Variants in E2F2 observed in about 807,000 individuals in gnomAD.
E2F2 encodes transcription factor E2F2.
E2F2 carries 22 observed loss-of-function variants against 42.2 expected under a neutral mutation model. The ratio of observed to expected loss-of-function variants is 0.52; its 90% CI spans 0.37 to 0.74. The LOEUF is 0.74. E2F2 is among the 30% of genes least tolerant of loss of function. The pLI is 0.00. For missense variants in E2F2, 481 were observed against 557.8 expected (o/e 0.86, Z 1.39); for synonymous variants, 248 against 251.6 (o/e 0.99, Z 0.13).
At chr1:23,523,325 T>C (rs1643188499) in intron 2 of E2F2, among the ~76,000 whole-genome samples, 1 of 152,008 alleles carries the variant, frequency 6.6e-6, no homozygotes, top group African/African-American at 2.4e-5. Context: ...CCCGGCTAAT[T>C]TTTGTATTTT....
intron 3 of E2F2, 41 bp downstream of exon 3, chr1:23,521,796 A>C (rs747586265): frequency 1.7e-5 from 28 of 1,609,470 alleles, no homozygotes; most frequent in South Asian, 3.3e-5. Context: ...CCACAGCACA[A>C]GTACCCATTG....
At chr1:23,518,917 T>A in intron 5 of E2F2, 99 bp downstream of exon 5, 2 of 861,064 alleles carry the variant, frequency 2.3e-6, no homozygotes, top group South Asian at 3.8e-5. Flanking sequence ...CTGCAAAGCA[T>A]GGGGCTAGGC....
At chr1:23,513,617 CAGG>C (rs1642958304) in intron 6 of E2F2, among the ~76,000 whole-genome samples, 2 of 124,262 alleles carry the variant, frequency 1.6e-5, no homozygotes, top group African/African-American at 3.0e-5. Flanking sequence ...TGTGTCTGTG[CAGG>C]AGAATCCCTT....
At chr1:23,516,800 G>GC (rs900101034) in intron 5 of E2F2, among the ~76,000 whole-genome samples, 10 of 40,088 alleles carry the variant, frequency 2.5e-4, no homozygotes, top group African/African-American at 5.7e-4. Context: ...TTTTGGGGCG[G>GC]GGGGGGGGGG....
At chr1:23,505,543 C>T (rs1026517871), downstream of E2F2, among the ~76,000 whole-genome samples, 3 of 151,928 alleles carry the variant, frequency 2.0e-5, no homozygotes, top group Admixed American at 6.6e-5. Flanking sequence ...GACGGAGTCT[C>T]GCTCTGTTGC....
chr1:23,512,128 G>T (rs569317986), intron 6 of E2F2, among the ~76,000 whole-genome samples: 1 of 152,162 alleles, frequency 6.6e-6, no homozygotes, highest in Non-Finnish European at 1.5e-5. Context: ...AACCCAGGAG[G>T]TGGAGGTTGT....
At chr1:23,527,763 C>T (rs1440748683) in intron 1 of E2F2, among the ~76,000 whole-genome samples, 1 of 152,252 alleles carries the variant, frequency 6.6e-6, no homozygotes, top group Non-Finnish European at 1.5e-5. Context: ...CACCTCCTCA[C>T]CTGACCTGCC....
intron 2 of E2F2, among the ~76,000 whole-genome samples, chr1:23,523,329 G>C (rs1334644313): frequency 6.6e-6 from 1 of 152,056 alleles, no homozygotes; most frequent in Non-Finnish European, 1.5e-5. Flanking sequence ...GCTAATTTTT[G>C]TATTTTTAGT....
chr1:23,516,212 G>T, intron 6 of E2F2, 123 bp downstream of exon 6: 2 of 1,268,398 alleles, frequency 1.6e-6, no homozygotes, highest in Non-Finnish European at 2.1e-6. Flanking sequence ...CATGTGTGGG[G>T]TAGGATGACT....
intron 6 of E2F2, among the ~76,000 whole-genome samples, chr1:23,511,797 T>C (rs954619105): frequency 6.6e-6 from 1 of 152,222 alleles, no homozygotes; most frequent in Non-Finnish European, 1.5e-5. Flanking sequence ...GGAGTCTTGC[T>C]CTGGACTTCA....
intron 6 of E2F2, 32 bp downstream of exon 6, chr1:23,516,303 C>A (rs1434737382): frequency 3.4e-6 from 5 of 1,452,812 alleles, no homozygotes; most frequent in Non-Finnish European, 4.5e-6. Context: ...GTCTCTCCCC[C>A]CACCTCCTGT....
At chr1:23,520,267 A>G (rs1643114015) in intron 4 of E2F2, among the ~76,000 whole-genome samples, 1 of 117,150 alleles carries the variant, frequency 8.5e-6, no homozygotes, top group Non-Finnish European at 1.9e-5. Flanking sequence ...AAAAAAAAAA[A>G]AAAAAAAAAA....
rs1163177874 is a variant in E2F2 at position 23,516,423 on chromosome 1, G to T, written c.957C>A (p.Pro319=). ...GGCTGGGGCAGAGGGTGGAGGTAGA[G>T]GGGAGAGGCTCCTCGGAAGGACTGT... ...EPDSPSEEPL[P]STSTLCPSPD... is the part of the protein sequence containing the mutation. Residue 319 remains proline (P), a synonymous_variant, in exon 6 of 7, where the codon CCC becomes CCA. Transcript: ENST00000361729. 6.2e-7 allele frequency: 1 copy of T among 1,602,730 alleles called. No homozygotes were observed. Among genetic ancestry groups the T allele is most frequent in the East Asian group, 2.3e-5 (1 of 43,438 alleles).
chr1:23,520,379 C>T (rs1385675894), intron 4 of E2F2, among the ~76,000 whole-genome samples: 1 of 151,204 alleles, frequency 6.6e-6, no homozygotes, highest in African/African-American at 2.4e-5. Flanking sequence ...GGCAGCTCAT[C>T]ATTCTTTTTC....
chr1:23,511,973 A>C (rs1213426814), intron 6 of E2F2, among the ~76,000 whole-genome samples: 3 of 152,092 alleles, frequency 2.0e-5, no homozygotes, highest in African/African-American at 7.2e-5. Flanking sequence ...CGAGGCAGGC[A>C]GATCACCTGA....
At chr1:23,519,950 C>A (rs1246909066) in intron 4 of E2F2, among the ~76,000 whole-genome samples, 1 of 151,840 alleles carries the variant, frequency 6.6e-6, no homozygotes, top group African/African-American at 2.4e-5. Context: ...TGGTGGCAGG[C>A]GCCTGTAATC....
intron 6 of E2F2, among the ~76,000 whole-genome samples, chr1:23,512,185 C>T (rs968564149): frequency 6.6e-5 from 10 of 151,916 alleles, no homozygotes; most frequent in African/African-American, 9.7e-5. Context: ...GCAACAAGAG[C>T]GAGACTCGTG....
chr1:23,511,767 T>A (rs996136229), intron 6 of E2F2, among the ~76,000 whole-genome samples: 3 of 152,222 alleles, frequency 2.0e-5, no homozygotes, highest in Non-Finnish European at 4.4e-5. Flanking sequence ...TTTATTTATT[T>A]ATTTAATTTA....
downstream of E2F2, among the ~76,000 whole-genome samples, chr1:23,505,812 C>CT (rs539601792): frequency 5.7e-3 from 861 of 150,052 alleles, 10 homozygotes; most frequent in Middle Eastern, 0.024. Flanking sequence ...TGCACCTGGC[C>CT]TTTTTTTTTG....
Sources: allele counts gnomAD v4.1 joint callset (sites outside exome capture counted in the v4.1 genomes callset), GRCh38; gene constraint gnomAD v4.1.1; transcripts MANE v1.5; gene names NCBI Gene and HGNC (gene_info 2026-07-23, HGNC 2026-07-21).